GALNTL6: variants seen among roughly 807,000 people sequenced by gnomAD.
The protein encoded by GALNTL6 is polypeptide N-acetylgalactosaminyltransferase-like 6.
GALNTL6 carries 46 observed loss-of-function variants against 73.7 expected under a neutral mutation model. The observed-to-expected ratio is 0.62, with a 90% CI of 0.49 to 0.80. The LOEUF is 0.80. Ranked by LOEUF, GALNTL6 falls within the 30% of genes least tolerant of loss-of-function variation. GALNTL6 has a pLI of 0.00. For synonymous variants in GALNTL6, 259 were observed against 263.7 expected (o/e 0.98, Z 0.17); for missense variants, 604 against 755.0 (o/e 0.80, Z 2.34).
intron 12 of GALNTL6, among the ~76,000 whole-genome samples, chr4:173,023,885 G>GT (rs926817622): frequency 2.0e-5 from 3 of 151,890 alleles, no homozygotes; most frequent in Non-Finnish European, 2.9e-5. Context: ...ATAAAGTAAG[G>GT]TTTTTTTTAA....
At chr4:172,224,552 T>C (rs560154377) in intron 2 of GALNTL6, among the ~76,000 whole-genome samples, 1 of 152,346 alleles carries the variant, frequency 6.6e-6, no homozygotes, top group East Asian at 1.9e-4. Flanking sequence ...TTATGATAAA[T>C]AAGTTTGCTC....
At chr4:172,312,960 G>A (rs560633074) in intron 4 of GALNTL6, among the ~76,000 whole-genome samples, 8 of 152,028 alleles carry the variant, frequency 5.3e-5, no homozygotes, top group African/African-American at 1.4e-4. Context: ...TTATCCCCAC[G>A]TTACCTGAAA....
At chr4:173,022,017 A>G (rs1753010419) in intron 12 of GALNTL6, among the ~76,000 whole-genome samples, 1 of 140,424 alleles carries the variant, frequency 7.1e-6, no homozygotes, top group South Asian at 2.5e-4. Flanking sequence ...GAGAGAGAAA[A>G]GGAAGGAAGG....
At chr4:172,957,036 G>C (rs1749784525) in intron 10 of GALNTL6, among the ~76,000 whole-genome samples, 1 of 152,182 alleles carries the variant, frequency 6.6e-6, no homozygotes, top group African/African-American at 2.4e-5. Flanking sequence ...TGTGGGAAAG[G>C]CCTCTACCTA....
chr4:172,351,998 C>T (rs1436256540), intron 5 of GALNTL6, among the ~76,000 whole-genome samples: 1 of 152,022 alleles, frequency 6.6e-6, no homozygotes, highest in Non-Finnish European at 1.5e-5. Flanking sequence ...AACAAAAATA[C>T]AAGAAAGCCA....
At chr4:171,909,033 T>C (rs1257532275) in intron 2 of GALNTL6, among the ~76,000 whole-genome samples, 2 of 149,304 alleles carry the variant, frequency 1.3e-5, no homozygotes, top group East Asian at 2.1e-4. Flanking sequence ...TTGGGAGATA[T>C]ACCTAATGCT....
At chr4:171,988,519 C>A (rs929664370) in intron 2 of GALNTL6, among the ~76,000 whole-genome samples, 16 of 152,028 alleles carry the variant, frequency 1.1e-4, no homozygotes, top group Non-Finnish European at 1.2e-4. Context: ...TGTTTGAGAT[C>A]TAGAACAGAA....
At chr4:173,027,581 A>C (rs1040379202) in intron 12 of GALNTL6, among the ~76,000 whole-genome samples, 2 of 152,296 alleles carry the variant, frequency 1.3e-5, no homozygotes, top group African/African-American at 4.8e-5. Context: ...ATAGCCAAAA[A>C]CCCACAACTA....
intron 2 of GALNTL6, among the ~76,000 whole-genome samples, chr4:171,983,867 G>A (rs1739988530): frequency 1.3e-5 from 2 of 152,044 alleles, no homozygotes; most frequent in South Asian, 4.1e-4. Flanking sequence ...GGTGGGGAAG[G>A]GCCATGGAGT....
chr4:172,909,925 T>C (rs1747110193), intron 8 of GALNTL6, among the ~76,000 whole-genome samples: 2 of 152,052 alleles, frequency 1.3e-5, no homozygotes, highest in Non-Finnish European at 2.9e-5. Flanking sequence ...TATCTACCTA[T>C]GCTATAGATT....
At chr4:172,720,421 C>T (rs916408730) in intron 5 of GALNTL6, among the ~76,000 whole-genome samples, 4 of 152,138 alleles carry the variant, frequency 2.6e-5, no homozygotes, top group African/African-American at 9.7e-5. Flanking sequence ...CTGCAAACAT[C>T]CTGAACTTCC....
intron 3 of GALNTL6, among the ~76,000 whole-genome samples, chr4:172,235,033 T>A (rs955888743): frequency 1.3e-4 from 20 of 152,176 alleles, no homozygotes; most frequent in Non-Finnish European, 8.8e-5. Context: ...TCTAGTAATT[T>A]GTCCATTATA....
At chr4:171,936,590 G>A (rs1560848826) in intron 2 of GALNTL6, among the ~76,000 whole-genome samples, 1 of 152,060 alleles carries the variant, frequency 6.6e-6, no homozygotes, top group African/African-American at 2.4e-5. Context: ...GCATTCATTT[G>A]TGCCTGCAAG....
At chr4:172,037,478 A>G (rs1741961238) in intron 2 of GALNTL6, among the ~76,000 whole-genome samples, 1 of 152,158 alleles carries the variant, frequency 6.6e-6, no homozygotes, top group South Asian at 2.1e-4. Context: ...AAAACTAGAT[A>G]CTGTGATGCT....
chr4:173,001,903 T>C (rs1359139376), intron 10 of GALNTL6, among the ~76,000 whole-genome samples: 1 of 152,242 alleles, frequency 6.6e-6, no homozygotes, highest in African/African-American at 2.4e-5. Flanking sequence ...GGAACCATTG[T>C]ACATTGCTTG....
At chr4:172,292,671 A>G (rs192458042) in intron 3 of GALNTL6, among the ~76,000 whole-genome samples, 1 of 152,292 alleles carries the variant, frequency 6.6e-6, no homozygotes, top group African/African-American at 2.4e-5. Context: ...ATTTTATAAA[A>G]CATAGCTGAA....
intron 2 of GALNTL6, among the ~76,000 whole-genome samples, chr4:171,827,859 A>AT (rs1223396303): frequency 1.3e-5 from 2 of 152,048 alleles, no homozygotes; most frequent in Non-Finnish European, 2.9e-5. Flanking sequence ...TTACCTGTGG[A>AT]TTTTTTTCAA....
At chr4:172,095,568 A>G (rs899994809) in intron 2 of GALNTL6, among the ~76,000 whole-genome samples, 96 of 152,192 alleles carry the variant, frequency 6.3e-4, no homozygotes, top group African/African-American at 2.2e-3. Flanking sequence ...GTCTCCCTCT[A>G]GCATCCTGTA....
intron 5 of GALNTL6, among the ~76,000 whole-genome samples, chr4:172,395,163 G>A (rs1298845744): frequency 6.6e-6 from 1 of 152,132 alleles, no homozygotes; most frequent in South Asian, 2.1e-4. Flanking sequence ...TATGTCCAAA[G>A]AGGCCATCAC....
Sources: gnomAD v4.1 joint callset for allele counts (sites outside exome capture counted in the v4.1 genomes callset) on GRCh38, gnomAD v4.1.1 for gene constraint, MANE v1.5 for transcripts, NCBI Gene and HGNC (gene_info 2026-07-23, HGNC 2026-07-21) for gene names.